The following RNF216 variants were observed in gnomAD, a reference collection of about 807,000 sequenced individuals.
RNF216 encodes E3 ubiquitin-protein ligase RNF216.
A neutral mutation model predicts 110.8 loss-of-function variants in RNF216; 72 were observed. The ratio of observed to expected loss-of-function variants is 0.65; its 90% CI spans 0.54 to 0.79. The LOEUF (loss-of-function observed/expected upper bound fraction) is 0.79, where lower values mean the gene tolerates loss of function less well. Among genes scored for constraint, RNF216 ranks in the 30% least tolerant of loss-of-function variants. RNF216 has a pLI of 0.00. For synonymous variants in RNF216, 495 were observed against 407.5 expected, an observed-to-expected ratio of 1.21 and a Z score of -2.59; for missense variants, 1,342 against 1,141.2, an observed-to-expected ratio of 1.18 and a Z score of -2.54.
At chr7:5,742,457 T>C (rs78459020) in intron 3 of RNF216, among the ~76,000 whole-genome samples, 2 of 151,694 alleles carry the variant, frequency 1.3e-5, no homozygotes, top group African/African-American at 2.4e-5. Flanking sequence ...AAAAAACATA[T>C]AAAAAAATCT....
intron 14 of RNF216, among the ~76,000 whole-genome samples, chr7:5,647,119 G>GAA (rs113731456): frequency 0.019 from 2,667 of 143,844 alleles, 35 homozygotes; most frequent in Non-Finnish European, 0.03. Context: ...TGTGAAAGGT[G>GAA]AAAAAAAAAA....
At chr7:5,703,783 T>C (rs1351381277) in intron 13 of RNF216, among the ~76,000 whole-genome samples, 1 of 152,204 alleles carries the variant, frequency 6.6e-6, no homozygotes, top group Non-Finnish European at 1.5e-5. Flanking sequence ...CTCTCGTCGT[T>C]AGCGCTTGCT....
intron 5 of RNF216, among the ~76,000 whole-genome samples, chr7:5,732,766 G>C (rs528656522): frequency 6.6e-6 from 1 of 152,242 alleles, no homozygotes; most frequent in African/African-American, 2.4e-5. Context: ...GAAGCCTGTC[G>C]GACTTCAATC....
At chr7:5,761,303 A>G (rs1795922104) in intron 1 of RNF216, among the ~76,000 whole-genome samples, 165 bp from the exon 2 acceptor site, 1 of 152,080 alleles carries the variant, frequency 6.6e-6, no homozygotes, top group South Asian at 2.1e-4. Context: ...CTCAAAACCT[A>G]TGACATTAAA....
intron 3 of RNF216, among the ~76,000 whole-genome samples, chr7:5,744,717 A>C (rs1031932587): frequency 1.1e-4 from 16 of 152,238 alleles, no homozygotes; most frequent in African/African-American, 3.4e-4. Flanking sequence ...TTATGCCTAT[A>C]ATCCCAGCAC....
At chr7:5,633,043 G>T (rs897910451) in intron 15 of RNF216, among the ~76,000 whole-genome samples, 3 of 151,736 alleles carry the variant, frequency 2.0e-5, no homozygotes, top group South Asian at 2.1e-4. Context: ...GCAGTGGTGC[G>T]ATCTCTGCTC....
intron 13 of RNF216, among the ~76,000 whole-genome samples, chr7:5,685,004 G>A (rs1339540190): frequency 6.6e-6 from 1 of 152,148 alleles, no homozygotes; most frequent in African/African-American, 2.4e-5. Context: ...ACACAGCATA[G>A]GTGGAGGGGT....
chr7:5,634,024 A>T (rs1033117915), intron 15 of RNF216, among the ~76,000 whole-genome samples: 1 of 152,278 alleles, frequency 6.6e-6, no homozygotes, highest in African/African-American at 2.4e-5. Flanking sequence ...TATTTTCACA[A>T]ATCAGATATG....
intron 1 of RNF216, among the ~76,000 whole-genome samples, chr7:5,779,513 GA>G (rs1234564652): frequency 2.0e-5 from 3 of 152,050 alleles, no homozygotes; most frequent in Non-Finnish European, 4.4e-5. Flanking sequence ...ATGTTTCATA[GA>G]ATCTTCCCGC....
chr7:5,627,055 G>A (rs1292280570), intron 15 of RNF216, among the ~76,000 whole-genome samples: 1 of 152,164 alleles, frequency 6.6e-6, no homozygotes, highest in Non-Finnish European at 1.5e-5. Context: ...TCTCCTCGAT[G>A]CAGTTACACC....
At chr7:5,763,128 A>C (rs187607463) in intron 1 of RNF216, among the ~76,000 whole-genome samples, 1 of 152,272 alleles carries the variant, frequency 6.6e-6, no homozygotes, top group East Asian at 1.9e-4. Context: ...AAAAAACAAC[A>C]ACCCATGTCT....
intron 1 of RNF216, among the ~76,000 whole-genome samples, chr7:5,780,882 A>G (rs1375208968): frequency 2.6e-5 from 4 of 152,282 alleles, no homozygotes; most frequent in African/African-American, 9.6e-5. Context: ...CAAGTGGCCC[A>G]GAGTCTTGGA....
At chr7:5,629,697 G>A (rs1353394337) in intron 15 of RNF216, among the ~76,000 whole-genome samples, 1 of 151,732 alleles carries the variant, frequency 6.6e-6, no homozygotes, top group Non-Finnish European at 1.5e-5. Context: ...TGCAGTGGCA[G>A]GCGTCTGTAA....
At chr7:5,662,993 CACA>C (rs1392170346) in intron 13 of RNF216, among the ~76,000 whole-genome samples, 1 of 152,096 alleles carries the variant, frequency 6.6e-6, no homozygotes, top group Non-Finnish European at 1.5e-5. Flanking sequence ...CCCTCAATGG[CACA>C]ACATTTTGCC....
At chr7:5,731,486 T>C (rs1293707039) in intron 5 of RNF216, among the ~76,000 whole-genome samples, 8 of 151,386 alleles carry the variant, frequency 5.3e-5, no homozygotes, top group South Asian at 4.1e-4. Flanking sequence ...TAAGGCTATA[T>C]AGAGTGAGAT....
intron 13 of RNF216, among the ~76,000 whole-genome samples, chr7:5,695,957 A>G (rs924837538): frequency 2.0e-5 from 3 of 152,248 alleles, no homozygotes; most frequent in Non-Finnish European, 4.4e-5. Context: ...TCCAAGGAAC[A>G]GACTTCATTT....
intron 1 of RNF216, among the ~76,000 whole-genome samples, chr7:5,776,031 C>T (rs1796755802): frequency 6.6e-6 from 1 of 152,074 alleles, no homozygotes; most frequent in Non-Finnish European, 1.5e-5. Flanking sequence ...TCATCCTAAC[C>T]ATTCTTTGGA....
At chr7:5,674,808 CA>C (rs1367254682) in intron 13 of RNF216, among the ~76,000 whole-genome samples, 1 of 151,832 alleles carries the variant, frequency 6.6e-6, no homozygotes, top group Non-Finnish European at 1.5e-5. Flanking sequence ...CCAGCCTGAC[CA>C]ACATGGCAAA....
At chr7:5,650,883 T>G (rs1390924651) in intron 14 of RNF216, among the ~76,000 whole-genome samples, 1 of 152,184 alleles carries the variant, frequency 6.6e-6, no homozygotes, top group Non-Finnish European at 1.5e-5. Context: ...CTGTGCTGCA[T>G]ACTTGGGAAA....
Sources: gnomAD v4.1 joint callset for allele counts (sites outside exome capture counted in the v4.1 genomes callset) on GRCh38, gnomAD v4.1.1 for gene constraint, MANE v1.5 for transcripts, NCBI Gene and HGNC (gene_info 2026-07-23, HGNC 2026-07-21) for gene names.